Variants in GPC1 observed in about 807,000 individuals in gnomAD.
GPC1 encodes glypican 1.
A neutral mutation model predicts 51.5 loss-of-function variants in GPC1; 26 were observed. The observed-to-expected ratio is 0.50, with a 90% confidence interval of 0.37 to 0.70. GPC1 has a LOEUF of 0.70. Among genes scored for constraint, GPC1 ranks in the 30% least tolerant of loss-of-function variants. The pLI, the probability that GPC1 is intolerant of heterozygous loss-of-function variation, is 0.00. For synonymous variants in GPC1, 380 were observed against 348.3 expected (o/e 1.09, Z -1.01); for missense variants, 775 against 800.5 (o/e 0.97, Z 0.38).
chr2:240,459,651 G>A (rs897874080), intron 2 of GPC1, among the ~76,000 whole-genome samples: 1 of 152,142 alleles, frequency 6.6e-6, no homozygotes, highest in Admixed American at 6.5e-5. Context: ...AGAGTGCAGG[G>A]CCTGCCTGGG....
intron 1 of GPC1, among the ~76,000 whole-genome samples, chr2:240,444,846 C>G (rs1246740868): frequency 1.3e-5 from 2 of 152,170 alleles, no homozygotes; most frequent in African/African-American, 2.4e-5. Context: ...TGTGTGACGT[C>G]CAAGTGTCTC....
chr2:240,438,946 C>A (rs1005578359), intron 1 of GPC1, among the ~76,000 whole-genome samples: 1 of 152,180 alleles, frequency 6.6e-6, no homozygotes, highest in Non-Finnish European at 1.5e-5. Flanking sequence ...AGGGCGGAGC[C>A]GAGTGGCACC....
At chr2:240,445,753 C>T (rs2074045218) in intron 1 of GPC1, among the ~76,000 whole-genome samples, 1 of 152,148 alleles carries the variant, frequency 6.6e-6, no homozygotes, top group African/African-American at 2.4e-5. Context: ...CGATGGTGTT[C>T]CGGGACCTGG....
intron 1 of GPC1, among the ~76,000 whole-genome samples, chr2:240,453,835 G>T (rs1304278273): frequency 2.0e-5 from 3 of 151,918 alleles, no homozygotes; most frequent in African/African-American, 7.3e-5. Flanking sequence ...CGACGCTGCC[G>T]CCGGTGCCGC....
At chr2:240,465,798 G>C (rs764359610) in intron 8 of GPC1, 150 bp downstream of exon 8, 7 of 721,330 alleles carry the variant, frequency 9.7e-6, no homozygotes, top group Non-Finnish European at 1.6e-5. Flanking sequence ...GCCCAGGCAC[G>C]ATCACCGAGC....
In GPC1 at chr2:240,466,326, G is replaced by A; in HGVS notation, c.*36G>A. On this transcript the variant is annotated 3_prime_UTR_variant, in exon 9 of 9. Coordinates refer to ENST00000264039, the MANE Select transcript of GPC1 (RefSeq NM_002081.3). ...GCCCCAGGGACAGAGGCCAAGGACTGACTTTGCCAAAAATACAACACAGAC... is the reference window on the plus strand; with the variant it reads ...GCCCCAGGGACAGAGGCCAAGGACTAACTTTGCCAAAAATACAACACAGAC... The A allele has an allele frequency of 8.4e-7, 1 of 1,187,718 alleles. No individual in the cohort carries two copies. Among genetic ancestry groups the A allele is most frequent in the Admixed American group, 1.8e-5 (1 of 56,994 alleles). 73.6% of individuals were successfully genotyped at this position (1,187,718 alleles called of 1,614,324 possible). A position where few individuals can be genotyped will look rare whatever the true frequency, so the allele number is the denominator to read the frequency against.
intron 1 of GPC1, among the ~76,000 whole-genome samples, chr2:240,438,626 C>G (rs2151784713): frequency 1.3e-5 from 2 of 152,320 alleles, no homozygotes; most frequent in South Asian, 4.1e-4. Context: ...AGATCTGATA[C>G]TTCCTCGTGG....
chr2:240,456,404 A>G (rs557847375), intron 1 of GPC1, among the ~76,000 whole-genome samples: 1 of 152,164 alleles, frequency 6.6e-6, no homozygotes, highest in South Asian at 2.1e-4. Flanking sequence ...CCTCCTCCCT[A>G]GGAGTGCTTG....
At chr2:240,461,283 T>C (rs1220898582) in intron 2 of GPC1, among the ~76,000 whole-genome samples, 1 of 152,154 alleles carries the variant, frequency 6.6e-6, no homozygotes, top group African/African-American at 2.4e-5. Flanking sequence ...TCCAGAGATC[T>C]CAGGCTTGAC....
intron 1 of GPC1, chr2:240,456,676 C>T (rs1030420656): frequency 4.3e-6 from 2 of 466,678 alleles, no homozygotes; most frequent in Admixed American, 2.4e-5. Context: ...CAGCCCACAC[C>T]CTCGGAGAGA....
Position 240,466,181 on chromosome 2 carries a change from A to G in GPC1, c.1568A>G (p.Glu523Gly). Residue 523 changes from glutamate to glycine, a missense_variant, in exon 9 of 9, where the codon GAG becomes GGG. Glu to Gly is a moderately conservative substitution (Grantham distance 98). Transcript: ENST00000264039. ...PLTHALPGLS[E>G]QEGQKTSAAS... Reference sequence around the variant, plus strand: ...ACCCATGCCCTCCCAGGCCTGTCAGAGCAGGAAGGACAGAAGACCTCGGCT... The same window carrying G: ...ACCCATGCCCTCCCAGGCCTGTCAGGGCAGGAAGGACAGAAGACCTCGGCT... 1 of 1,612,616 alleles carries G rather than the reference A, an allele frequency of 6.2e-7. No homozygotes were observed. Among genetic ancestry groups the G allele is most frequent in the Non-Finnish European group, 8.5e-7 (1 of 1,179,254 alleles).
rs2074067396 is a variant in GPC1, at chr2:240,448,406, A to C, written c.167-10624A>C. Among the ~76,000 whole-genome samples, 1 of 151,966 alleles carries C rather than the reference A, an allele frequency of 6.6e-6. No homozygotes were observed. Among genetic ancestry groups the C allele is most frequent in the Non-Finnish European group, 1.5e-5 (1 of 67,986 alleles). The stretch of plus-strand genomic sequence containing the variant: ...AGTCCCTGCCAGGCAGTCCAGGTGT[A>C]GACAGTCCCTGCCAGGCAGTCCGGG... On this transcript the variant is annotated intron_variant, in intron 1 of 8. Coordinates refer to ENST00000264039, the MANE Select transcript of GPC1 (RefSeq NM_002081.3). This position sits in a 1 kb window ranked among gnomAD's most constrained non-coding sequence, Gnocchi z 4.5.
At chr2:240,451,271 C>G (rs1367498447) in intron 1 of GPC1, 5 of 470,848 alleles carry the variant, frequency 1.1e-5, no homozygotes, top group Non-Finnish European at 2.2e-5. Context: ...CGGGCCTGCG[C>G]GGCGTCTTTG....
At chr2:240,460,252 C>G (rs1200716380) in intron 2 of GPC1, among the ~76,000 whole-genome samples, 1 of 152,124 alleles carries the variant, frequency 6.6e-6, no homozygotes, top group Admixed American at 6.5e-5. Flanking sequence ...GCTCAGCCCT[C>G]CCCGCTGGTG....
intron 1 of GPC1, chr2:240,451,275 G>A (rs566956771): frequency 2.5e-5 from 12 of 470,940 alleles, no homozygotes; most frequent in South Asian, 7.7e-5. Context: ...CCTGCGCGGC[G>A]TCTTTGTGGA....
intron 1 of GPC1, among the ~76,000 whole-genome samples, chr2:240,445,005 G>C (rs918306505): frequency 6.6e-5 from 10 of 152,310 alleles, no homozygotes; most frequent in East Asian, 3.9e-4. Flanking sequence ...TGCATCTCCA[G>C]TTGTCATGGA....
intron 1 of GPC1, among the ~76,000 whole-genome samples, chr2:240,454,256 T>C (rs1169755999): frequency 1.3e-5 from 2 of 151,958 alleles, no homozygotes; most frequent in African/African-American, 4.8e-5. Context: ...GGGCGCAGGC[T>C]TCTTAGAGGA....
At position 240,466,258 on chromosome 2, in the gene GPC1, G is replaced by C. The variant is rs1345158407; in HGVS notation, c.1645G>C (p.Ala549Pro). 1.9e-6 allele frequency: 3 copies of C among 1,609,162 alleles called. No individual in the cohort carries two copies. In the Admixed American group the frequency reaches 5.0e-5, roughly 27 times the overall value. The change falls in exon 9 of 9, where the codon GCC becomes CCC. Residue 549 changes from alanine to proline, a missense_variant. Physicochemically the swap from Ala to Pro is conservative, Grantham distance 27 (BLOSUM62 -1). Coordinates refer to ENST00000264039, the MANE Select transcript of GPC1 (RefSeq NM_002081.3). ...CCTCCTGCCCCTCCTCCTCTTCCTG[G>C]CCCTTACAGTAGCCAGGCCCCGGTG... The part of the protein sequence containing the change: ...TFLLPLLLFL[A>P]LTVARPRWR
At position 240,463,017 on chromosome 2, in the gene GPC1, A is replaced by T. The variant is rs144682558; in HGVS notation, c.718-330A>T. On this transcript the variant is annotated intron_variant, in intron 3 of 8. Coordinates refer to ENST00000264039, the MANE Select transcript of GPC1 (RefSeq NM_002081.3). ...ACGTGTCAGACCCAGCTAAGCTGGGACATAGGGAGGGCGTCAGCCTCAGAC... is the reference window on the plus strand; with the variant it reads ...ACGTGTCAGACCCAGCTAAGCTGGGTCATAGGGAGGGCGTCAGCCTCAGAC... Among the ~76,000 whole-genome samples, 787 of 152,258 alleles carry T rather than the reference A, an allele frequency of 5.2e-3. 13 individuals are homozygous for T. The highest frequency in any genetic ancestry group is 0.018 in the African/African-American group (747 of 41,566).
Sources: allele counts gnomAD v4.1 joint callset (sites outside exome capture counted in the v4.1 genomes callset), GRCh38; gene constraint gnomAD v4.1.1; non-coding constraint Gnocchi (gnomAD v3.1); transcripts MANE v1.5; gene names NCBI Gene and HGNC (gene_info 2026-07-23, HGNC 2026-07-21).